Variants in C1orf159 observed in about 807,000 individuals in gnomAD.
C1orf159 encodes chromosome 1 open reading frame 159.
Under a neutral mutation model 25.6 loss-of-function variants are expected in C1orf159, and 19 were observed. That is an observed-to-expected ratio of 0.74 (90% CI 0.52 to 1.09). The LOEUF (loss-of-function observed/expected upper bound fraction) is 1.09, where lower values mean the gene tolerates loss of function less well. C1orf159 is among the 50% of genes least tolerant of loss of function. The pLI is 0.00. For missense variants in C1orf159, 274 were observed against 290.6 expected, an observed-to-expected ratio of 0.94 and a Z score of 0.42; for synonymous variants, 139 against 124.7, an observed-to-expected ratio of 1.12 and a Z score of -0.77.
chr1:1,083,628 A>G (rs1324183068), intron 9 of C1orf159: 2 of 454,034 alleles, frequency 4.4e-6, no homozygotes, highest in East Asian at 4.3e-5. Flanking sequence ...TCTGAACTCT[A>G]GGATAGTCAG....
At chr1:1,086,540 C>T (rs907765953) in intron 6 of C1orf159, among the ~76,000 whole-genome samples, 4 of 152,218 alleles carry the variant, frequency 2.6e-5, no homozygotes, top group South Asian at 2.1e-4. Context: ...CTCTGAGATG[C>T]TGGGGAGGAG....
At chr1:1,113,637 A>C (rs1646292897) in intron 1 of C1orf159, among the ~76,000 whole-genome samples, 1 of 152,194 alleles carries the variant, frequency 6.6e-6, no homozygotes, top group South Asian at 2.1e-4. Context: ...AGGAGGCAGA[A>C]GAGACCTTAG....
intron 1 of C1orf159, among the ~76,000 whole-genome samples, chr1:1,096,873 G>A (rs1327018577): frequency 2.0e-5 from 3 of 151,978 alleles, no homozygotes; most frequent in Non-Finnish European, 4.4e-5. Context: ...ACAAGCAAGT[G>A]CTGCCACACC....
chr1:1,088,077 G>T (rs1014788228), intron 4 of C1orf159, among the ~76,000 whole-genome samples: 1 of 151,524 alleles, frequency 6.6e-6, no homozygotes, highest in Non-Finnish European at 1.5e-5. Context: ...GCTGGGCCCG[G>T]CTTCCACCAC....
At position 1,110,902 on chromosome 1, in the gene C1orf159, G is replaced by A. The variant is rs1311420157; in HGVS notation, c.-136+5158C>T. 1.3e-5 allele frequency among the ~76,000 whole-genome samples: 2 copies of A among 152,198 alleles called. No individual in the cohort carries two copies. The highest frequency in any genetic ancestry group is 4.8e-5 in the African/African-American group (2 of 41,446). ...TGTGACTCCTAACACTCAGAGTGTC[G>A]GTAAAATCACAGCAGCGCTCCTGTC... On this transcript the variant is annotated intron_variant, in intron 1 of 9. Transcript: ENST00000421241. The surrounding 1 kb of genome is among the most constrained non-coding windows in gnomAD (Gnocchi z 4.8).
intron 1 of C1orf159, among the ~76,000 whole-genome samples, chr1:1,093,763 G>A (rs1444737283): frequency 6.6e-6 from 1 of 152,244 alleles, no homozygotes; most frequent in Non-Finnish European, 1.5e-5. Flanking sequence ...CCAAGGTCCT[G>A]GCACATGTCA....
At chr1:1,088,222 C>T (rs1645867324) in intron 4 of C1orf159, among the ~76,000 whole-genome samples, 1 of 93,622 alleles carries the variant, frequency 1.1e-5, no homozygotes, top group Admixed American at 1.0e-4. Context: ...TGGCCTCCCA[C>T]AGGACCCCCG....
chr1:1,111,667 C>G (rs888698392), intron 1 of C1orf159, among the ~76,000 whole-genome samples: 1 of 152,184 alleles, frequency 6.6e-6, no homozygotes, highest in Non-Finnish European at 1.5e-5. Flanking sequence ...ACCACACCCA[C>G]GCTCACCGTA....
At position 1,090,367 on chromosome 1, in the gene C1orf159, C is replaced by G; in HGVS notation, c.134G>C (p.Ser45Thr). The G allele has an allele frequency of 6.4e-7, 1 of 1,550,556 alleles. No individual in the cohort carries two copies. Among genetic ancestry groups the G allele is most frequent in the Non-Finnish European group, 8.7e-7 (1 of 1,146,964 alleles). Residue 45 changes from serine (S) to threonine (T), a missense_variant, in exon 4 of 10, where the codon AGT (serine) becomes ACT (threonine). Physicochemically the swap from Ser to Thr is moderately conservative, Grantham distance 58. Coordinates refer to ENST00000421241, the MANE Select transcript of C1orf159 (RefSeq NM_017891.5). ...AAGCGGCTTACCTGGACCACACAGA[C>G]TTGCGCCTGGGCAGCTGGCGTTGAC... ...VGVNASCPGASLCGPGCYRRW... is the reference protein window; with the variant it reads ...VGVNASCPGATLCGPGCYRRW...
At chr1:1,109,352 G>A (rs1371760272) in intron 1 of C1orf159, among the ~76,000 whole-genome samples, 4 of 152,326 alleles carry the variant, frequency 2.6e-5, no homozygotes, top group African/African-American at 4.8e-5. Context: ...AAAAGACAAC[G>A]GTGGTTGCCA....
At chr1:1,112,573 G>T (rs893443049) in intron 1 of C1orf159, among the ~76,000 whole-genome samples, 1 of 150,896 alleles carries the variant, frequency 6.6e-6, no homozygotes, top group Non-Finnish European at 1.5e-5. Context: ...AACACACAGC[G>T]CATGCTCCCT....
chr1:1,088,154 A>AC (rs1287144266), intron 4 of C1orf159, among the ~76,000 whole-genome samples: 31 of 20,108 alleles, frequency 1.5e-3, no homozygotes, highest in East Asian at 0.012. Context: ...CTCCCCCAAG[A>AC]CCCCCCCCAC....
rs1397994172 is a variant in C1orf159 at position 1,082,232 on chromosome 1, G to A, written c.*661C>T. The stretch of plus-strand genomic sequence containing the variant: ...CGAGCGGGGCCACAGAGCTCTGGAG[G>A]ACTTTTCTGCACAATGAATTTCTGC... On this transcript the variant is annotated 3_prime_UTR_variant, in exon 10 of 10. Coordinates refer to ENST00000421241, the MANE Select transcript of C1orf159 (RefSeq NM_017891.5). 4 of 153,582 alleles carry A rather than the reference G, an allele frequency of 2.6e-5. No homozygotes were observed. Among genetic ancestry groups the A allele is most frequent in the African/African-American group, 9.6e-5 (4 of 41,478 alleles). The allele number at this position is 153,582 out of a possible 1,614,324, so 9.5% of individuals were successfully genotyped here. A position where few individuals can be genotyped will look rare whatever the true frequency, so the allele number is the denominator to read the frequency against.
intron 1 of C1orf159, among the ~76,000 whole-genome samples, chr1:1,095,104 C>A (rs796088547): frequency 6.6e-6 from 1 of 152,214 alleles, no homozygotes; most frequent in African/African-American, 2.4e-5. Flanking sequence ...AGGGACACTG[C>A]GGCTGACTGG....
At chr1:1,084,844 T>TC (rs1265522739) in intron 7 of C1orf159, among the ~76,000 whole-genome samples, 1 of 151,832 alleles carries the variant, frequency 6.6e-6, no homozygotes, top group African/African-American at 2.4e-5. Flanking sequence ...GGCTCCAGGG[T>TC]CCCAGGGGAA....
At position 1,087,673 on chromosome 1, in the gene C1orf159, A is replaced by G. The variant is rs1433111241; in HGVS notation, c.149-76T>C. 1.8e-6 allele frequency: 2 copies of G among 1,103,034 alleles called. No individual in the cohort carries two copies. The highest frequency in any genetic ancestry group is 1.3e-6 in the Non-Finnish European group (1 of 768,270). 68.3% of individuals were successfully genotyped at this position (1,103,034 alleles called of 1,614,324 possible). ...CTGGGTCTCCTGGGAATGATTCTCT[A>G]TTTGAGTTGGTGAGATAACTTTCAT... On this transcript the variant is annotated intron_variant, in intron 4 of 9. Transcript: ENST00000421241. The surrounding 1 kb of genome is among the most constrained non-coding windows in gnomAD (Gnocchi z 8.3).
At chr1:1,102,786 G>C (rs889075361) in intron 1 of C1orf159, among the ~76,000 whole-genome samples, 13 of 151,468 alleles carry the variant, frequency 8.6e-5, no homozygotes, top group African/African-American at 3.2e-4. Flanking sequence ...TGACAGAGTA[G>C]AACTGTCTCA....
chr1:1,105,906 GATAA>G (rs934696997), intron 1 of C1orf159: 5 of 152,036 alleles, frequency 3.3e-5, no homozygotes, highest in East Asian at 1.9e-4. Context: ...TAAATAGATA[GATAA>G]ATAAATAAAA....
intron 1 of C1orf159, among the ~76,000 whole-genome samples, chr1:1,103,993 C>CT (rs34796184): frequency 0.24 from 35,672 of 149,320 alleles, 5,683 homozygotes; most frequent in African/African-American, 0.46. Context: ...AGAATTTTTA[C>CT]TTTTTTTTTT....
Sources: gnomAD v4.1 joint callset for allele counts (sites outside exome capture counted in the v4.1 genomes callset) on GRCh38, gnomAD v4.1.1 for gene constraint, Gnocchi (gnomAD v3.1) non-coding constraint, MANE v1.5 for transcripts, NCBI Gene and HGNC (gene_info 2026-07-23, HGNC 2026-07-21) for gene names.